The following TTLL11 variants were observed in gnomAD, a reference collection of about 807,000 sequenced individuals.
TTLL11 encodes the protein tubulin tyrosine ligase like 11, also known as tubulin polyglutamylase TTLL11.
A neutral mutation model predicts 51.7 loss-of-function variants in TTLL11; 42 were observed. That is an observed-to-expected ratio of 0.81 (90% CI 0.64 to 1.05). The LOEUF (loss-of-function observed/expected upper bound fraction) is 1.05, where lower values mean the gene tolerates loss of function less well. Among genes scored for constraint, TTLL11 ranks in the 50% least tolerant of loss-of-function variants. The probability of loss-of-function intolerance (pLI) is 0.00; values close to 1 mark genes in which losing one functional copy is unlikely to be tolerated. For synonymous variants in TTLL11, 381 were observed against 383.5 expected, an observed-to-expected ratio of 0.99 and a Z score of 0.08; for missense variants, 799 against 940.4, an observed-to-expected ratio of 0.85 and a Z score of 1.97.
At chr9:122,061,103 G>C (rs538379708) in intron 1 of TTLL11, among the ~76,000 whole-genome samples, 1 of 152,110 alleles carries the variant, frequency 6.6e-6, no homozygotes, top group Non-Finnish European at 1.5e-5. Context: ...CACTTGCCTT[G>C]TTCACACATC....
intron 3 of TTLL11, among the ~76,000 whole-genome samples, chr9:121,992,323 C>A (rs367934856): frequency 1.3e-5 from 2 of 152,330 alleles, no homozygotes; most frequent in East Asian, 3.9e-4. Flanking sequence ...GAGGTTTATT[C>A]AAGAATGACC....
chr9:122,028,274 G>A (rs927627165), intron 3 of TTLL11, among the ~76,000 whole-genome samples: 1 of 152,090 alleles, frequency 6.6e-6, no homozygotes, highest in African/African-American at 2.4e-5. Context: ...AAGATTAACT[G>A]GACTAAACAC....
chr9:121,928,736 G>A (rs1484851084), intron 6 of TTLL11, among the ~76,000 whole-genome samples: 1 of 151,788 alleles, frequency 6.6e-6, no homozygotes, highest in Non-Finnish European at 1.5e-5. Context: ...ACCGCACCCG[G>A]CCTGTTTCTT....
intron 7 of TTLL11, among the ~76,000 whole-genome samples, chr9:121,870,239 C>T (rs927094236): frequency 6.6e-6 from 1 of 152,192 alleles, no homozygotes; most frequent in Non-Finnish European, 1.5e-5. Flanking sequence ...TTTCAGGACT[C>T]AGCTCAAGGT....
intron 6 of TTLL11, among the ~76,000 whole-genome samples, chr9:121,930,468 C>A (rs1432445662): frequency 6.6e-6 from 1 of 152,162 alleles, no homozygotes; most frequent in African/African-American, 2.4e-5. Context: ...AAACCGTGAC[C>A]CACATCTTAA....
intron 6 of TTLL11, among the ~76,000 whole-genome samples, chr9:121,950,974 G>C (rs371217593): frequency 8.5e-5 from 13 of 152,254 alleles, no homozygotes; most frequent in African/African-American, 2.9e-4. Context: ...AGGGGACAAG[G>C]AGGCTGCAGA....
At chr9:121,912,458 A>G (rs996157596) in intron 6 of TTLL11, among the ~76,000 whole-genome samples, 3 of 146,728 alleles carry the variant, frequency 2.0e-5, no homozygotes, top group Non-Finnish European at 4.4e-5. Flanking sequence ...CTCCCTTCAC[A>G]TAAGCTCCCC....
At chr9:122,045,600 C>T (rs1397094923) in intron 1 of TTLL11, among the ~76,000 whole-genome samples, 1 of 151,984 alleles carries the variant, frequency 6.6e-6, no homozygotes, top group Non-Finnish European at 1.5e-5. Context: ...TATTTATATA[C>T]CAACATTCAT....
At chr9:122,078,414 C>T (rs1033901672) in intron 1 of TTLL11, among the ~76,000 whole-genome samples, 31 of 151,898 alleles carry the variant, frequency 2.0e-4, no homozygotes, top group Admixed American at 6.6e-5. Context: ...TTGAAGGATA[C>T]GTAAAAAGGT....
Position 121,819,920 on chromosome 9 carries a change from C to G in TTLL11, c.*2667G>C, listed in dbSNP as rs867363126. ...ACTCATTCTGACAATGGAGCAGCCT[C>G]GAAATGCTTTCAGTTAAACTGAAAA... On this transcript the variant is annotated 3_prime_UTR_variant, in exon 9 of 9. Coordinates refer to ENST00000321582, the MANE Select transcript of TTLL11 (RefSeq NM_001139442.2). Among the ~76,000 whole-genome samples, 1 of 152,204 alleles carries G rather than the reference C, an allele frequency of 6.6e-6. No individual in the cohort carries two copies. Among genetic ancestry groups the G allele is most frequent in the Admixed American group, 6.5e-5 (1 of 15,278 alleles).
chr9:121,823,226 T>C (rs1381335344), intron 8 of TTLL11, among the ~76,000 whole-genome samples: 1 of 152,214 alleles, frequency 6.6e-6, no homozygotes, highest in African/African-American at 2.4e-5. Context: ...CCTTGTAAAA[T>C]GTCCACAATG....
intron 7 of TTLL11, among the ~76,000 whole-genome samples, chr9:121,866,284 G>C (rs1838172456): frequency 6.6e-6 from 1 of 152,202 alleles, no homozygotes; most frequent in South Asian, 2.1e-4. Context: ...CGGCAAGACT[G>C]AACATACTTA....
intron 3 of TTLL11, among the ~76,000 whole-genome samples, chr9:121,991,143 C>T (rs764777662): frequency 3.7e-4 from 56 of 152,344 alleles, no homozygotes; most frequent in South Asian, 1.2e-3. Context: ...AGACTCCTCT[C>T]AGCTCTCCAC....
At chr9:122,017,373 G>C (rs544286039) in intron 3 of TTLL11, among the ~76,000 whole-genome samples, 4 of 151,976 alleles carry the variant, frequency 2.6e-5, no homozygotes, top group Non-Finnish European at 5.9e-5. Context: ...TGCTGGCACA[G>C]GTGTATAAAG....
chr9:121,965,288 T>C lies in TTLL11; in HGVS notation c.1481+8721A>G, dbSNP rs879404790. Among the ~76,000 whole-genome samples, 16 of 152,278 alleles carry C rather than the reference T, an allele frequency of 1.1e-4. 1 individual carries two copies. The highest frequency in any genetic ancestry group is 1.0e-3 in the Admixed American group (16 of 15,302). On this transcript the variant is annotated intron_variant, in intron 6 of 8. Coordinates refer to ENST00000321582, the MANE Select transcript of TTLL11 (RefSeq NM_001139442.2). ...TTATGATGAAGAGGTTTAACTGACT[T>C]AGAGTTCTGCAGGCTTAACAGCAAG...
intron 6 of TTLL11, among the ~76,000 whole-genome samples, chr9:121,954,660 ACACACACACACACAGACG>A (rs1211952188): frequency 7.5e-6 from 1 of 133,718 alleles, no homozygotes; most frequent in Non-Finnish European, 1.6e-5. Flanking sequence ...CAGTGCAAGC[ACACACACACACACAGACG>A]CACACACACA....
At chr9:121,864,340 A>G (rs996159120) in intron 7 of TTLL11, among the ~76,000 whole-genome samples, 1 of 152,224 alleles carries the variant, frequency 6.6e-6, no homozygotes, top group African/African-American at 2.4e-5. Context: ...CTGGGGATGC[A>G]GCTCTTCAAA....
chr9:121,861,506 G>A (rs1838011778), intron 7 of TTLL11, among the ~76,000 whole-genome samples: 1 of 152,222 alleles, frequency 6.6e-6, no homozygotes, highest in South Asian at 2.1e-4. Flanking sequence ...TATAGTCATT[G>A]TGTGTCAGCC....
At chr9:121,946,844 C>T (rs1458433448) in intron 6 of TTLL11, among the ~76,000 whole-genome samples, 1 of 152,146 alleles carries the variant, frequency 6.6e-6, no homozygotes, top group East Asian at 1.9e-4. Context: ...TTCCAATATG[C>T]AGCTGAGCTT....
Sources: allele counts gnomAD v4.1 joint callset (sites outside exome capture counted in the v4.1 genomes callset), GRCh38; gene constraint gnomAD v4.1.1; transcripts MANE v1.5; gene names NCBI Gene and HGNC (gene_info 2026-07-23, HGNC 2026-07-21).